The following PRPSAP1 variants were observed in gnomAD, a reference collection of about 807,000 sequenced individuals.
The protein encoded by PRPSAP1 is phosphoribosyl pyrophosphate synthetase associated protein 1.
PRPSAP1 carries 31 observed loss-of-function variants against 39.4 expected under a neutral mutation model. The ratio of observed to expected loss-of-function variants is 0.79; its 90% CI spans 0.59 to 1.06. The LOEUF (loss-of-function observed/expected upper bound fraction) is 1.06. Among genes scored for constraint, PRPSAP1 ranks in the 50% least tolerant of loss-of-function variants. PRPSAP1 has a pLI of 0.00. For synonymous variants in PRPSAP1, 212 were observed against 192.6 expected (o/e 1.10, Z -0.83); for missense variants, 430 against 511.6 (o/e 0.84, Z 1.54).
At chr17:76,322,958 C>T (rs2071213439) in intron 7 of PRPSAP1, among the ~76,000 whole-genome samples, 1 of 151,956 alleles carries the variant, frequency 6.6e-6, no homozygotes, top group Non-Finnish European at 1.5e-5. Flanking sequence ...CGCACCACTG[C>T]ACTGCAGGTC....
In PRPSAP1 at chr17:76,313,003, T is replaced by C; in HGVS notation, c.866A>G (p.Asp289Gly). The change falls in exon 9 of 10, where the codon GAC becomes GGC. Residue 289 changes from aspartate (D) to glycine (G), a missense_variant. Transcript: ENST00000446526. The part of the protein sequence containing the change: ...RIAIIVDDII[D>G]DVESFVAAAE... ...GGCAGCAACAAAACTCTCCACATCG[T>C]CAATAATGTCATCCTGGGAGGAGAA... 1 of 1,613,636 alleles carries C rather than the reference T, an allele frequency of 6.2e-7. No individual in the cohort carries two copies. The highest frequency in any genetic ancestry group is 8.5e-7 in the Non-Finnish European group (1 of 1,179,926).
chr17:76,329,998 C>T (rs760135444), intron 6 of PRPSAP1, 45 bp downstream of exon 6: 10 of 1,570,640 alleles, frequency 6.4e-6, no homozygotes, highest in South Asian at 5.7e-5. Flanking sequence ...ATTCTGACTT[C>T]GGGAGCACTC....
chr17:76,331,360 TC>T (rs1336526591), intron 4 of PRPSAP1, among the ~76,000 whole-genome samples: 1 of 152,206 alleles, frequency 6.6e-6, no homozygotes, highest in African/African-American at 2.4e-5. Context: ...CAGTTGACCA[TC>T]TGGATCTATG....
chr17:76,353,668 G>T lies in PRPSAP1; in HGVS notation c.36C>A (p.Ser12=), dbSNP rs776898411. 2.0e-6 allele frequency: 3 copies of T among 1,520,522 alleles called. No homozygotes were observed. The Admixed American group carries it at 6.1e-5, about 31-fold the overall frequency. 94.2% of individuals were successfully genotyped at this position (1,520,522 alleles called of 1,614,324 possible). A position where few individuals can be genotyped will look rare whatever the true frequency, so the allele number is the denominator to read the frequency against. ...PKKLLLLPPP[S]ASSAFRVPRA... is the part of the protein sequence containing the mutation. ...GCGGGACGCGGAAAGCCGAGGACGC[G>T]GAGGGCGGGGGCAACAGCAGCAGCT... The change falls in exon 1 of 10, where the codon TCC becomes TCA. Residue 12 remains serine, a synonymous_variant. Transcript: ENST00000446526.
At chr17:76,313,660 T>C in intron 8 of PRPSAP1, 161 bp downstream of exon 8, 3 of 691,126 alleles carry the variant, frequency 4.3e-6, no homozygotes, top group Non-Finnish European at 7.4e-6. Flanking sequence ...TATGTTCACC[T>C]GGATACAGGT....
intron 4 of PRPSAP1, 141 bp from the exon 5 acceptor site, chr17:76,330,807 TTGATTG>T: frequency 1.9e-6 from 1 of 533,926 alleles, no homozygotes; most frequent in Non-Finnish European, 3.3e-6. Flanking sequence ...AGTCACAGGC[TTGATTG>T]TTAACCTTAA....
chr17:76,336,549 T>A (rs1401100419), intron 3 of PRPSAP1, among the ~76,000 whole-genome samples: 1 of 151,012 alleles, frequency 6.6e-6, no homozygotes, highest in Non-Finnish European at 1.5e-5. Context: ...CTGACCAACA[T>A]GGAGAAACCC....
At chr17:76,325,108 G>A (rs1052385673) in intron 7 of PRPSAP1, among the ~76,000 whole-genome samples, 3 of 146,422 alleles carry the variant, frequency 2.0e-5, no homozygotes, top group Non-Finnish European at 4.5e-5. Flanking sequence ...CCTGAGGCCA[G>A]GAATTCAAGA....
At chr17:76,311,783 T>C in intron 9 of PRPSAP1, 83 bp from the exon 10 acceptor site, 1 of 1,461,244 alleles carries the variant, frequency 6.8e-7, no homozygotes, top group South Asian at 1.4e-5. Context: ...TATCTAACAT[T>C]GAGTTCCCAC....
At position 76,338,048 on chromosome 17, in the gene PRPSAP1, G is replaced by A. The variant is rs1289454198; in HGVS notation, c.291-5613C>T. ...TGCTTGGTATATCTGGAAAATCTCT[G>A]AGTATCGCACAGTTCAATTACCCAA... On this transcript the variant is annotated intron_variant, in intron 3 of 9. Transcript: ENST00000446526. Among the ~76,000 whole-genome samples, 3 of 152,082 alleles carry A rather than the reference G, an allele frequency of 2.0e-5. No individual in the cohort carries two copies. The East Asian group carries it at 5.8e-4, about 29-fold the overall frequency.
intron 1 of PRPSAP1, among the ~76,000 whole-genome samples, chr17:76,350,627 T>C (rs2071558256): frequency 6.6e-6 from 1 of 152,094 alleles, no homozygotes; most frequent in South Asian, 2.1e-4. Context: ...TAGTATTTAA[T>C]GGGTACAGAG....
intron 3 of PRPSAP1, among the ~76,000 whole-genome samples, chr17:76,336,052 G>C (rs1567805563): frequency 6.6e-6 from 1 of 152,146 alleles, no homozygotes. Context: ...ATGAGTTTTG[G>C]AGAACACAGC....
At chr17:76,352,386 C>G (rs2071584834) in intron 1 of PRPSAP1, among the ~76,000 whole-genome samples, 1 of 152,120 alleles carries the variant, frequency 6.6e-6, no homozygotes, top group South Asian at 2.1e-4. Flanking sequence ...TGGCTGAAGC[C>G]TGTAATCCCA....
chr17:76,354,027 G>C, upstream of PRPSAP1: 1 of 1,136,514 alleles, frequency 8.8e-7, no homozygotes. Flanking sequence ...CTGTTCTTCC[G>C]AGGGGCATGT....
intron 7 of PRPSAP1, among the ~76,000 whole-genome samples, chr17:76,320,354 A>AG (rs1194940249): frequency 1.3e-5 from 1 of 79,370 alleles, no homozygotes; most frequent in African/African-American, 8.2e-5. Context: ...GAAGGAAGGA[A>AG]GAAAAAGGAA....
intron 4 of PRPSAP1, among the ~76,000 whole-genome samples, chr17:76,331,421 C>G (rs2071321352): frequency 1.3e-5 from 2 of 152,156 alleles, no homozygotes; most frequent in Admixed American, 1.3e-4. Context: ...GTAGTTAGGC[C>G]TACAATGGTT....
chr17:76,313,046 A>G (rs1430772346), intron 8 of PRPSAP1, 30 bp from the exon 9 acceptor site: 3 of 1,609,356 alleles, frequency 1.9e-6, no homozygotes, highest in Non-Finnish European at 2.5e-6. Flanking sequence ...AGTTGGTAGG[A>G]AAGAAACACC....
chr17:76,338,557 G>A (rs1263106775), intron 3 of PRPSAP1, among the ~76,000 whole-genome samples: 1 of 151,616 alleles, frequency 6.6e-6, no homozygotes, highest in Non-Finnish European at 1.5e-5. Context: ...ACAAAAATTA[G>A]CTGGGTGTGG....
chr17:76,329,050 T>C, intron 6 of PRPSAP1, 188 bp from the exon 7 acceptor site: 1 of 659,582 alleles, frequency 1.5e-6, no homozygotes, highest in Non-Finnish European at 2.4e-6. Flanking sequence ...GAGTTAGGGT[T>C]TGGGATTGTA....
Sources: allele counts gnomAD v4.1 joint callset (sites outside exome capture counted in the v4.1 genomes callset), GRCh38; gene constraint gnomAD v4.1.1; transcripts MANE v1.5; gene names NCBI Gene and HGNC (gene_info 2026-07-23, HGNC 2026-07-21).